Variants in INO80D observed in about 807,000 individuals in gnomAD.
The protein encoded by INO80D is INO80 complex subunit D.
In INO80D, 21 loss-of-function variants were observed where a neutral mutation model predicts 87.6. That is an observed-to-expected ratio of 0.24 (90% CI 0.17 to 0.35). The LOEUF (loss-of-function observed/expected upper bound fraction) is 0.35. Among genes scored for constraint, INO80D ranks in the 10% least tolerant of loss-of-function variants. The pLI is 1.00. For missense variants in INO80D, 982 were observed against 1,280.7 expected (o/e 0.77, Z 3.56); for synonymous variants, 440 against 491.0 (o/e 0.90, Z 1.37).
chr2:206,058,418 C>CAAAAA (rs59790218), intron 3 of INO80D, among the ~76,000 whole-genome samples: 2 of 125,324 alleles, frequency 1.6e-5, no homozygotes, highest in East Asian at 2.4e-4. Flanking sequence ...GACTCTGTCT[C>CAAAAA]AAAAAAAAAA....
rs1293329115 is a variant in INO80D at position 205,997,663 on chromosome 2, T to TA, written c.*6704dup. On this transcript the variant is annotated 3_prime_UTR_variant, in exon 11 of 11. Coordinates refer to ENST00000403263, the MANE Select transcript of INO80D (RefSeq NM_017759.5). The stretch of plus-strand genomic sequence containing the variant: ...ATGCTCGAAAGTGAGAGGCTGATCT[T>TA]AGAACCTCCTGTTTCTCATGTCATT... 6.6e-6 allele frequency: 1 copy of TA among 152,184 alleles called. No individual in the cohort carries two copies. Among genetic ancestry groups the TA allele is most frequent in the Admixed American group, 6.5e-5 (1 of 15,272 alleles). The allele number at this position is 152,184 out of a possible 1,614,324, so 9.4% of individuals were successfully genotyped here. A position where few individuals can be genotyped will look rare whatever the true frequency, so the allele number is the denominator to read the frequency against.
At chr2:206,035,502 T>C (rs1688869653) in intron 5 of INO80D, among the ~76,000 whole-genome samples, 1 of 152,154 alleles carries the variant, frequency 6.6e-6, no homozygotes, top group African/African-American at 2.4e-5. Flanking sequence ...GAACACCCTT[T>C]CAACAAATGG....
chr2:206,017,921 C>A, intron 7 of INO80D, 108 bp from the exon 8 acceptor site: 1 of 936,872 alleles, frequency 1.1e-6, no homozygotes, highest in Non-Finnish European at 1.6e-6. Context: ...CTTTATTATC[C>A]ATAATATAAA....
At chr2:206,013,910 G>A (rs1220625088) in intron 8 of INO80D, among the ~76,000 whole-genome samples, 2 of 149,774 alleles carry the variant, frequency 1.3e-5, no homozygotes, top group Non-Finnish European at 3.0e-5. Context: ...TGTAATCCCA[G>A]CACTTTGGGA....
At position 206,001,753 on chromosome 2, in the gene INO80D, T is replaced by C. The variant is rs1205686029; in HGVS notation, c.*2615A>G. On this transcript the variant is annotated 3_prime_UTR_variant, in exon 11 of 11. Coordinates refer to ENST00000403263, the MANE Select transcript of INO80D (RefSeq NM_017759.5). ...GCAAACTTTGATATCTGTTTTGAAC[T>C]AGATAAAATAAGAGGAAAAGTTTGT... 2 of 152,194 alleles carry C rather than the reference T, an allele frequency of 1.3e-5. No homozygotes were observed. Among genetic ancestry groups the C allele is most frequent in the African/African-American group, 4.8e-5 (2 of 41,454 alleles). 9.4% of individuals were successfully genotyped at this position (152,194 alleles called of 1,614,324 possible).
At position 206,046,531 on chromosome 2, in the gene INO80D, C is replaced by T. The variant is rs376007552; in HGVS notation, c.1046G>A (p.Arg349Gln). The T allele has an allele frequency of 1.6e-5, 26 of 1,612,380 alleles. No homozygotes were observed. The highest frequency in any genetic ancestry group is 5.5e-5 in the South Asian group (5 of 91,040). ...ATGTCTTTGATATCTGAGGGTTTCC[C>T]GGATGGACCATGCAACCTGGTAGGG... ...ASPYQVAWSI[R>Q]ETLRYQRHAS... The change falls in exon 5 of 11, where the codon CGG becomes CAG. Residue 349 changes from arginine (R) to glutamine (Q), a missense_variant. By Grantham distance (43) the Arg-to-Gln change is conservative. Transcript: ENST00000403263.
intron 5 of INO80D, among the ~76,000 whole-genome samples, chr2:206,032,408 CG>C (rs1430788645): frequency 1.2e-4 from 18 of 152,180 alleles, no homozygotes; most frequent in Admixed American, 6.5e-5. Flanking sequence ...CTATGACTGC[CG>C]GATTTCCCCC....
In INO80D at chr2:206,063,054, C is replaced by T. The variant is rs1230981266; in HGVS notation, c.-29-9G>A. 3 of 1,435,780 alleles carry T rather than the reference C, an allele frequency of 2.1e-6. No individual in the cohort carries two copies. In the East Asian group the frequency reaches 6.9e-5, roughly 33 times the overall value. 88.9% of individuals were successfully genotyped at this position (1,435,780 alleles called of 1,614,324 possible). ...TTCCTTGTGAACATCAGCTAAAAGG[C>T]CACCACAAAAAAAGAAACCCAAATG... On this transcript the variant is annotated splice_polypyrimidine_tract_variant and intron_variant, in intron 2 of 10. Transcript: ENST00000403263.
chr2:206,080,330 C>G (rs779324590), intron 1 of INO80D, among the ~76,000 whole-genome samples: 3 of 152,134 alleles, frequency 2.0e-5, no homozygotes, highest in Non-Finnish European at 4.4e-5. Flanking sequence ...AAAAACACTT[C>G]AAAACCTGAA....
intron 1 of INO80D, chr2:206,084,575 A>C (rs1159898079): frequency 1.3e-5 from 2 of 152,046 alleles, no homozygotes; most frequent in African/African-American, 4.8e-5. Flanking sequence ...TGTTGGTTTT[A>C]CCGGACAGTG....
chr2:206,056,437 A>G lies in INO80D; in HGVS notation c.725T>C (p.Met242Thr), dbSNP rs1299074065. The G allele has an allele frequency of 1.2e-6, 2 of 1,613,732 alleles. No individual in the cohort carries two copies. Among genetic ancestry groups the G allele is most frequent in the Non-Finnish European group, 1.7e-6 (2 of 1,179,876 alleles). ...GTGTGTGGTGGGTGCCACTCCCTGC[A>G]TTGGTAGGCTGGTGTTCTGAGGTTG... The part of the protein sequence containing the change: ...SPQPQNTSLP[M>T]QGVAPTTHTI... The change falls in exon 4 of 11, where the codon ATG (methionine) becomes ACG (threonine). Residue 242 changes from methionine (M) to threonine (T), a missense_variant. Physicochemically the swap from Met to Thr is moderately conservative, Grantham distance 81. Coordinates refer to ENST00000403263, the MANE Select transcript of INO80D (RefSeq NM_017759.5).
chr2:205,999,408 G>C lies in INO80D; in HGVS notation c.*4960C>G, dbSNP rs1047820650. 1 of 152,162 alleles carries C rather than the reference G, an allele frequency of 6.6e-6. No homozygotes were observed. Among genetic ancestry groups the C allele is most frequent in the Non-Finnish European group, 1.5e-5 (1 of 68,040 alleles). The allele number at this position is 152,162 out of a possible 1,614,324, so 9.4% of individuals were successfully genotyped here. ...TATACGAGTATTGATCTAAACTTTAGATCACTAAAAACTGCTGTTCAAAGT... is the reference window on the plus strand; with the variant it reads ...TATACGAGTATTGATCTAAACTTTACATCACTAAAAACTGCTGTTCAAAGT... On this transcript the variant is annotated 3_prime_UTR_variant, in exon 11 of 11. Transcript: ENST00000403263.
intron 5 of INO80D, among the ~76,000 whole-genome samples, chr2:206,045,636 A>T (rs912311004): frequency 6.6e-6 from 1 of 152,192 alleles, no homozygotes; most frequent in African/African-American, 2.4e-5. Context: ...TGGGGAAAAA[A>T]ACTGAAGAGA....
chr2:206,080,026 TAGA>T (rs983366966), intron 1 of INO80D, among the ~76,000 whole-genome samples: 10 of 152,368 alleles, frequency 6.6e-5, no homozygotes, highest in African/African-American at 2.2e-4. Flanking sequence ...TAGGCCAGAA[TAGA>T]AGAATATTCC....
intron 1 of INO80D, among the ~76,000 whole-genome samples, chr2:206,070,506 G>A (rs1689933657): frequency 6.6e-6 from 1 of 152,078 alleles, no homozygotes; most frequent in East Asian, 1.9e-4. Context: ...GGATCATGAG[G>A]TCAGGAGATA....
chr2:206,075,045 A>AAAAAAAG (rs1432687469), intron 1 of INO80D, among the ~76,000 whole-genome samples: 2 of 152,016 alleles, frequency 1.3e-5, no homozygotes, highest in Non-Finnish European at 2.9e-5. Flanking sequence ...ATCTCAAAAA[A>AAAAAAAG]AAAAAAAAAA....
rs1282768263 is a variant in INO80D, at chr2:206,028,351, A to G, written c.1074-16T>C. The G allele has an allele frequency of 6.4e-7, 1 of 1,560,628 alleles. No individual in the cohort carries two copies. The highest frequency in any genetic ancestry group is 1.4e-5 in the African/African-American group (1 of 73,236). On this transcript the variant is annotated splice_polypyrimidine_tract_variant and intron_variant, in intron 5 of 10. Transcript: ENST00000403263. Reference sequence around the variant, plus strand: ...ATCATCTGACCTGGAAAGTGCAGGGAGAGAAAGGAAAAACTGATTACACAT... The same window carrying G: ...ATCATCTGACCTGGAAAGTGCAGGGGGAGAAAGGAAAAACTGATTACACAT...
intron 8 of INO80D, among the ~76,000 whole-genome samples, chr2:206,012,852 AAG>A (rs1455431979): frequency 6.8e-6 from 1 of 147,800 alleles, no homozygotes. Context: ...CTGGGTGACA[AAG>A]AGAGACTTGT....
intron 6 of INO80D, among the ~76,000 whole-genome samples, chr2:206,021,955 G>A (rs1444264755): frequency 6.6e-6 from 1 of 152,022 alleles, no homozygotes; most frequent in Non-Finnish European, 1.5e-5. Context: ...AAACCGCTCA[G>A]CTATCTTCAA....
Sources: allele counts gnomAD v4.1 joint callset (sites outside exome capture counted in the v4.1 genomes callset), GRCh38; gene constraint gnomAD v4.1.1; transcripts MANE v1.5; gene names NCBI Gene and HGNC (gene_info 2026-07-23, HGNC 2026-07-21).